ESRRB: variants seen among roughly 807,000 people sequenced by gnomAD.
ESRRB encodes steroid hormone receptor ERR2.
Under a neutral mutation model 46.0 loss-of-function variants are expected in ESRRB, and 16 were observed. The observed-to-expected ratio is 0.35, with a 90% confidence interval of 0.24 to 0.53. The LOEUF is 0.53. Ranked by LOEUF, ESRRB falls within the 20% of genes least tolerant of loss-of-function variation. The probability of loss-of-function intolerance (pLI) is 0.93; values close to 1 mark genes in which losing one functional copy is unlikely to be tolerated. For synonymous variants in ESRRB, 246 were observed against 259.6 expected, an observed-to-expected ratio of 0.95 and a Z score of 0.50; for missense variants, 488 against 607.4, an observed-to-expected ratio of 0.80 and a Z score of 2.07.
At chr14:76,384,509 G>C (rs781009552) in intron 1 of ESRRB, among the ~76,000 whole-genome samples, 1 of 152,138 alleles carries the variant, frequency 6.6e-6, no homozygotes, top group African/African-American at 2.4e-5. Flanking sequence ...CTCTGAATAC[G>C]AACAGGCAGG....
At chr14:76,429,521 C>T (rs1233253964) in intron 1 of ESRRB, among the ~76,000 whole-genome samples, 1 of 152,180 alleles carries the variant, frequency 6.6e-6, no homozygotes, top group African/African-American at 2.4e-5. Context: ...GAGGCCAAGA[C>T]GGGTGGATCA....
In ESRRB at chr14:76,358,387, GAA is replaced by G. The variant is rs1478245789; in HGVS notation, c.2+47473_2+47474del. 6.0e-4 allele frequency among the ~76,000 whole-genome samples: 35 copies of G among 58,436 alleles called. 1 individual carries two copies. Among genetic ancestry groups the G allele is most frequent in the African/African-American group, 2.1e-3 (31 of 14,994 alleles). 38.3% of individuals were successfully genotyped at this position (58,436 alleles called of 152,430 possible). On this transcript the variant is annotated intron_variant, in intron 1 of 6. Transcript: ENST00000512784. The stretch of plus-strand genomic sequence containing the variant: ...AGAAAGAAAGAAAGAAAGAAAGAAA[GAA>G]AGAAAGAAAGAAAGAAAGAAAGAAA...
chr14:76,311,360 G>T (rs1272198762), intron 1 of ESRRB, among the ~76,000 whole-genome samples: 1 of 152,164 alleles, frequency 6.6e-6, no homozygotes, highest in Non-Finnish European at 1.5e-5. Context: ...TACCCAAGAA[G>T]ACCCAGTGCC....
At chr14:76,462,515 C>A in intron 2 of ESRRB, 30 bp from the exon 3 acceptor site, 1 of 1,589,314 alleles carries the variant, frequency 6.3e-7, no homozygotes, top group Non-Finnish European at 8.6e-7. Context: ...GCGGCCAGCA[C>A]CCGGCAACCC....
At chr14:76,332,496 T>G (rs527847701) in intron 1 of ESRRB, among the ~76,000 whole-genome samples, 41 of 107,254 alleles carry the variant, frequency 3.8e-4, no homozygotes, top group South Asian at 2.7e-3. Flanking sequence ...TAAATATATA[T>G]TTATATATGT....
At chr14:76,451,854 A>G (rs1888395758) in intron 2 of ESRRB, among the ~76,000 whole-genome samples, 1 of 144,644 alleles carries the variant, frequency 6.9e-6, no homozygotes, top group Admixed American at 7.2e-5. Flanking sequence ...GCTGATCTTG[A>G]ACTCCTGACC....
intron 1 of ESRRB, among the ~76,000 whole-genome samples, chr14:76,379,244 A>G (rs1353330398): frequency 6.6e-6 from 1 of 152,160 alleles, no homozygotes; most frequent in Non-Finnish European, 1.5e-5. Context: ...ATAATCACCC[A>G]GAGTGGGAGG....
chr14:76,399,439 A>G (rs943036455), intron 1 of ESRRB, among the ~76,000 whole-genome samples: 5 of 152,134 alleles, frequency 3.3e-5, no homozygotes, highest in Non-Finnish European at 7.4e-5. Context: ...TGTGCACTCC[A>G]GGAGGCTTCC....
At chr14:76,316,165 A>T (rs1883797381) in intron 1 of ESRRB, among the ~76,000 whole-genome samples, 1 of 152,154 alleles carries the variant, frequency 6.6e-6, no homozygotes, top group Non-Finnish European at 1.5e-5. Flanking sequence ...TGACAAATGA[A>T]TCCAAACTCC....
intron 3 of ESRRB, chr14:76,463,447 T>TTTTTTTTTTTGTTTG (rs1555342257): frequency 8.2e-6 from 1 of 121,222 alleles, no homozygotes; most frequent in Non-Finnish European, 1.7e-5. Flanking sequence ...GCTTCTTTGT[T>TTTTTTTTTTTGTTTG]TTTTTTTTTT....
intron 1 of ESRRB, among the ~76,000 whole-genome samples, chr14:76,421,946 A>G (rs1314767044): frequency 1.3e-5 from 2 of 152,238 alleles, no homozygotes; most frequent in African/African-American, 4.8e-5. Context: ...AGGTTGCATC[A>G]GTGAGCAGTA....
intron 3 of ESRRB, among the ~76,000 whole-genome samples, chr14:76,464,446 C>T (rs1299976800): frequency 6.6e-6 from 1 of 152,234 alleles, no homozygotes; most frequent in Admixed American, 6.5e-5. Context: ...CCCCACTTCA[C>T]CTCAGCTCAG....
chr14:76,483,850 G>GTTGT (rs922326443), intron 5 of ESRRB, among the ~76,000 whole-genome samples: 17 of 152,092 alleles, frequency 1.1e-4, no homozygotes, highest in Admixed American at 1.1e-3. Flanking sequence ...AAGACCCACA[G>GTTGT]TTGTTTGTTT....
chr14:76,339,119 C>CTAGGG (rs1490039731), intron 1 of ESRRB, among the ~76,000 whole-genome samples: 1 of 152,122 alleles, frequency 6.6e-6, no homozygotes, highest in Admixed American at 6.6e-5. Context: ...ATGTATCTTT[C>CTAGGG]TAGGGCCCTA....
chr14:76,317,308 CTCTGTG>C (rs1163014979), intron 1 of ESRRB, among the ~76,000 whole-genome samples: 62 of 125,236 alleles, frequency 5.0e-4, no homozygotes, highest in Admixed American at 1.4e-3. Flanking sequence ...GCTGATTAGG[CTCTGTG>C]TGTGTGTGTG....
intron 1 of ESRRB, among the ~76,000 whole-genome samples, chr14:76,385,419 A>G (rs1023214983): frequency 7.2e-5 from 11 of 152,172 alleles, no homozygotes; most frequent in Non-Finnish European, 1.3e-4. Flanking sequence ...AAATTAATTC[A>G]TGAATAATAA....
At position 76,485,626 on chromosome 14, in the gene ESRRB, T is replaced by TGAGAGAGAGAGAGAGAGA. The variant is rs151021182; in HGVS notation, c.850+2884_850+2901dup. Among the ~76,000 whole-genome samples, 313 of 143,824 alleles carry TGAGAGAGAGAGAGAGAGA rather than the reference T, an allele frequency of 2.2e-3. 1 individual carries two copies. Among genetic ancestry groups the TGAGAGAGAGAGAGAGAGA allele is most frequent in the East Asian group, 8.6e-3 (38 of 4,434 alleles). The allele number at this position is 143,824 out of a possible 152,430, so 94.4% of individuals were successfully genotyped here. On this transcript the variant is annotated intron_variant, in intron 5 of 6. Coordinates refer to ENST00000644823, the MANE Select transcript of ESRRB (RefSeq NM_001379180.1). Reference sequence around the variant, plus strand: ...CATCTGAAGATGGGCTCCCTATCCCTGAGAGAGAGAGAGAGAGAGAGAGAG... The same window carrying TGAGAGAGAGAGAGAGAGA: ...CATCTGAAGATGGGCTCCCTATCCCTGAGAGAGAGAGAGAGAGAGAGAGAGAGAGAGAGAGAGAGAGAG...
At chr14:76,496,980 A>G (rs1890456159) in intron 6 of ESRRB, among the ~76,000 whole-genome samples, 1 of 152,236 alleles carries the variant, frequency 6.6e-6, no homozygotes, top group African/African-American at 2.4e-5. Flanking sequence ...GATTGCAAAG[A>G]AATTAATCTT....
chr14:76,352,752 T>A (rs963034842), intron 1 of ESRRB, among the ~76,000 whole-genome samples: 56 of 152,362 alleles, frequency 3.7e-4, no homozygotes, highest in African/African-American at 1.3e-3. Flanking sequence ...AACTTTTCTA[T>A]GTCCTCGGCC....
Sources: gnomAD v4.1 joint callset for allele counts (sites outside exome capture counted in the v4.1 genomes callset) on GRCh38, gnomAD v4.1.1 for gene constraint, MANE v1.5 for transcripts, NCBI Gene and HGNC (gene_info 2026-07-23, HGNC 2026-07-21) for gene names.